EIF2B3: variants seen among roughly 807,000 people sequenced by gnomAD.
The protein encoded by EIF2B3 is eukaryotic translation initiation factor 2B subunit gamma.
In EIF2B3, 20 loss-of-function variants were observed where a neutral mutation model predicts 54.1. The ratio of observed to expected loss-of-function variants is 0.37; its 90% CI spans 0.26 to 0.54. EIF2B3 has a LOEUF of 0.54. EIF2B3 is among the 20% of genes least tolerant of loss of function. The pLI, the probability that EIF2B3 is intolerant of heterozygous loss-of-function variation, is 0.86. For synonymous variants in EIF2B3, 153 were observed against 188.1 expected (o/e 0.81, Z 1.52); for missense variants, 448 against 547.8 (o/e 0.82, Z 1.82).
chr1:44,947,160 G>GCTC (rs1360850366), intron 3 of EIF2B3, among the ~76,000 whole-genome samples: 1 of 152,138 alleles, frequency 6.6e-6, no homozygotes, highest in Non-Finnish European at 1.5e-5. Context: ...TCCCAAGCCT[G>GCTC]CTCCTCTAGA....
At chr1:44,949,129 T>G (rs1644134790) in intron 3 of EIF2B3, among the ~76,000 whole-genome samples, 1 of 152,136 alleles carries the variant, frequency 6.6e-6, no homozygotes, top group Non-Finnish European at 1.5e-5. Flanking sequence ...CTTGGCTTCC[T>G]CAGGTGCTGG....
intron 4 of EIF2B3, among the ~76,000 whole-genome samples, chr1:44,939,515 T>G (rs1392565966): frequency 6.6e-6 from 1 of 152,234 alleles, no homozygotes; most frequent in Admixed American, 6.5e-5. Flanking sequence ...AGAGTAAATT[T>G]CAAATGTTCT....
Position 44,911,872 on chromosome 1 carries a change from A to G in EIF2B3, c.567-14428T>C, listed in dbSNP as rs1448553397. 3.7e-3 allele frequency among the ~76,000 whole-genome samples: 456 copies of G among 123,652 alleles called. 1 individual carries two copies. Among genetic ancestry groups the G allele is most frequent in the Non-Finnish European group, 6.3e-3 (369 of 58,950 alleles). 81.1% of individuals were successfully genotyped at this position (123,652 alleles called of 152,430 possible). On this transcript the variant is annotated intron_variant, in intron 5 of 11. Coordinates refer to ENST00000360403, the MANE Select transcript of EIF2B3 (RefSeq NM_020365.5). ...TCCCTCCCCCCTCCCCCAACCCACAACAGTCCCCAGAGTGTGATGTTCCCC... is the reference window on the plus strand; with the variant it reads ...TCCCTCCCCCCTCCCCCAACCCACAGCAGTCCCCAGAGTGTGATGTTCCCC...
intron 5 of EIF2B3, among the ~76,000 whole-genome samples, chr1:44,907,151 C>T (rs1179094803): frequency 1.3e-5 from 2 of 152,222 alleles, no homozygotes; most frequent in African/African-American, 4.8e-5. Flanking sequence ...ACTACAATAC[C>T]TTCCCTTACT....
intron 7 of EIF2B3, 136 bp from the exon 8 acceptor site, chr1:44,880,144 A>C (rs1307859387): frequency 1.1e-6 from 1 of 906,742 alleles, no homozygotes; most frequent in African/African-American, 1.7e-5. Flanking sequence ...TCAAACTCCC[A>C]GACTCAAGGG....
intron 10 of EIF2B3, among the ~76,000 whole-genome samples, chr1:44,861,769 C>T (rs1654615167): frequency 6.6e-6 from 1 of 151,992 alleles, no homozygotes; most frequent in African/African-American, 2.4e-5. Flanking sequence ...AAGCTGTGGG[C>T]TCTCCTGAGG....
At chr1:44,919,927 G>A (rs1455134977) in intron 5 of EIF2B3, among the ~76,000 whole-genome samples, 2 of 143,808 alleles carry the variant, frequency 1.4e-5, no homozygotes, top group Non-Finnish European at 3.0e-5. Context: ...TCTCCATGTT[G>A]GCCAGGATGG....
intron 3 of EIF2B3, among the ~76,000 whole-genome samples, chr1:44,950,937 C>T (rs1428159566): frequency 6.6e-5 from 10 of 151,914 alleles, no homozygotes; most frequent in Admixed American, 1.3e-4. Flanking sequence ...GATCCACCCA[C>T]CTTGGCCTCC....
At chr1:44,864,564 A>G (rs1472424368) in intron 10 of EIF2B3, among the ~76,000 whole-genome samples, 5 of 152,274 alleles carry the variant, frequency 3.3e-5, no homozygotes, top group Non-Finnish European at 7.4e-5. Flanking sequence ...TCTGCCTCCA[A>G]AAAGAATTCT....
intron 1 of EIF2B3, 28 bp from the exon 2 acceptor site, chr1:44,981,205 G>T: frequency 6.2e-7 from 1 of 1,610,716 alleles, no homozygotes; most frequent in Non-Finnish European, 8.5e-7. Flanking sequence ...ACAATTAACA[G>T]AAAAAAAACA....
At chr1:44,854,292 A>T (rs12094007) in intron 11 of EIF2B3, among the ~76,000 whole-genome samples, 2 of 151,408 alleles carry the variant, frequency 1.3e-5, no homozygotes, top group African/African-American at 4.9e-5. Context: ...CGTGAGCTAC[A>T]GCCTCTGTAC....
intron 5 of EIF2B3, among the ~76,000 whole-genome samples, chr1:44,911,091 C>T (rs888004084): frequency 3.3e-5 from 5 of 152,104 alleles, no homozygotes; most frequent in African/African-American, 7.2e-5. Flanking sequence ...GGAAATTCAG[C>T]GTTTTAAAAA....
intron 5 of EIF2B3, among the ~76,000 whole-genome samples, chr1:44,918,173 T>C (rs1005187657): frequency 6.8e-6 from 1 of 146,336 alleles, no homozygotes; most frequent in Admixed American, 7.1e-5. Flanking sequence ...AATCTCTGCC[T>C]CCCAAGTTCA....
intron 4 of EIF2B3, among the ~76,000 whole-genome samples, chr1:44,933,491 A>T (rs1373476677): frequency 6.6e-6 from 1 of 152,186 alleles, no homozygotes; most frequent in Non-Finnish European, 1.5e-5. Context: ...GGAGATATGG[A>T]GTTAAATGCC....
intron 5 of EIF2B3, among the ~76,000 whole-genome samples, chr1:44,898,114 C>A (rs1243523972): frequency 2.6e-5 from 4 of 152,106 alleles, no homozygotes; most frequent in Non-Finnish European, 5.9e-5. Context: ...TTTCCTCAGA[C>A]CATGCCATGC....
At chr1:44,897,997 G>C (rs1176464251) in intron 5 of EIF2B3, among the ~76,000 whole-genome samples, 1 of 151,876 alleles carries the variant, frequency 6.6e-6, no homozygotes, top group Non-Finnish European at 1.5e-5. Flanking sequence ...CAGCCTCCCA[G>C]AGTGGTTGGA....
chr1:44,906,620 G>A (rs928999230), intron 5 of EIF2B3, among the ~76,000 whole-genome samples: 2 of 152,060 alleles, frequency 1.3e-5, no homozygotes, highest in Non-Finnish European at 2.9e-5. Flanking sequence ...GGCTGGTCTT[G>A]AACTCCTGAC....
intron 10 of EIF2B3, chr1:44,863,120 C>CT (rs919437151): frequency 6.6e-6 from 1 of 152,148 alleles, no homozygotes; most frequent in Non-Finnish European, 1.5e-5. Context: ...AGGTTCTTTT[C>CT]TTTTTTGATG....
chr1:44,866,194 T>C (rs1654773537), intron 10 of EIF2B3, among the ~76,000 whole-genome samples: 1 of 151,940 alleles, frequency 6.6e-6, no homozygotes, highest in African/African-American at 2.4e-5. Flanking sequence ...GTCAGGAATT[T>C]GAGACCAGCC....
Sources: allele counts gnomAD v4.1 joint callset (sites outside exome capture counted in the v4.1 genomes callset), GRCh38; gene constraint gnomAD v4.1.1; transcripts MANE v1.5; gene names NCBI Gene and HGNC (gene_info 2026-07-23, HGNC 2026-07-21).